Variants in EFHD1 observed in about 807,000 individuals in gnomAD.
EFHD1 encodes EF-hand domain family member D1.
In EFHD1, 10 loss-of-function variants were observed where a neutral mutation model predicts 17.2. That is an observed-to-expected ratio of 0.58 (90% CI 0.36 to 0.99). The LOEUF (loss-of-function observed/expected upper bound fraction) is 0.99, where lower values mean the gene tolerates loss of function less well. Ranked by LOEUF, EFHD1 falls within the 50% of genes least tolerant of loss-of-function variation. EFHD1 has a pLI of 0.01. For synonymous variants in EFHD1, 153 were observed against 142.0 expected (o/e 1.08, Z -0.55); for missense variants, 310 against 327.5 (o/e 0.95, Z 0.41).
At chr2:232,660,927 G>A (rs1429934569) in intron 1 of EFHD1, among the ~76,000 whole-genome samples, 3 of 151,996 alleles carry the variant, frequency 2.0e-5, no homozygotes, top group Non-Finnish European at 4.4e-5. Flanking sequence ...GCAGTGAGCC[G>A]AGATTGTGCC....
At chr2:232,649,861 G>A (rs1295947730) in intron 1 of EFHD1, 1 of 152,236 alleles carries the variant, frequency 6.6e-6, no homozygotes, top group Non-Finnish European at 1.5e-5. Flanking sequence ...TGAGCGTGGT[G>A]ATACATGCCT....
chr2:232,661,762 G>A (rs1285224710), intron 1 of EFHD1: 1 of 151,790 alleles, frequency 6.6e-6, no homozygotes, highest in Non-Finnish European at 1.5e-5. Flanking sequence ...GTTTCACCAT[G>A]TTTGCCAGGC....
chr2:232,628,564 T>TG (rs1449441132), intron 1 of EFHD1, among the ~76,000 whole-genome samples: 3 of 152,122 alleles, frequency 2.0e-5, no homozygotes, highest in Non-Finnish European at 4.4e-5. Flanking sequence ...CTTTGTGACT[T>TG]GCAGATCAGA....
chr2:232,663,097 T>C (rs1694905871), intron 2 of EFHD1, 148 bp downstream of exon 2: 1 of 934,930 alleles, frequency 1.1e-6, no homozygotes, highest in East Asian at 3.3e-5. Context: ...AAATACCTTT[T>C]AGGTGACAGC....
At chr2:232,606,447 C>G (rs1693714251) in intron 1 of EFHD1, 1 of 573,038 alleles carries the variant, frequency 1.7e-6, no homozygotes, top group African/African-American at 1.9e-5. Context: ...TGCTGAAGTC[C>G]CCATCGTCCT....
At chr2:232,609,226 A>AT (rs1428033530) in intron 1 of EFHD1, among the ~76,000 whole-genome samples, 1 of 151,298 alleles carries the variant, frequency 6.6e-6, no homozygotes, top group African/African-American at 2.4e-5. Context: ...TGCCCGGCTA[A>AT]TTTTTTATAT....
chr2:232,668,790 T>C (rs1349809680), intron 2 of EFHD1, among the ~76,000 whole-genome samples: 1 of 152,042 alleles, frequency 6.6e-6, no homozygotes, highest in Non-Finnish European at 1.5e-5. Flanking sequence ...TGTACCACCA[T>C]GCCCGGCTAA....
At chr2:232,634,403 T>C (rs1433833628) in intron 1 of EFHD1, among the ~76,000 whole-genome samples, 4 of 152,202 alleles carry the variant, frequency 2.6e-5, no homozygotes, top group Non-Finnish European at 4.4e-5. Context: ...AAGGGAAAAA[T>C]TAGCCCCTGT....
intron 1 of EFHD1, among the ~76,000 whole-genome samples, chr2:232,636,639 C>G (rs1043320764): frequency 6.6e-6 from 1 of 152,048 alleles, no homozygotes; most frequent in Admixed American, 6.6e-5. Flanking sequence ...GCCTGATCAA[C>G]GTGGTGAAAC....
chr2:232,676,271 G>A (rs1695170075), intron 3 of EFHD1, among the ~76,000 whole-genome samples: 1 of 152,196 alleles, frequency 6.6e-6, no homozygotes, highest in Non-Finnish European at 1.5e-5. Context: ...AGTGTGAGGT[G>A]ACTTCAGGCA....
At chr2:232,606,452 C>A in intron 1 of EFHD1, 1 of 568,140 alleles carries the variant, frequency 1.8e-6, no homozygotes, top group Non-Finnish European at 3.2e-6. Context: ...AAGTCCCCAT[C>A]GTCCTCCCCT....
intron 3 of EFHD1, among the ~76,000 whole-genome samples, chr2:232,678,084 A>G (rs1018038796): frequency 1.3e-5 from 2 of 152,006 alleles, no homozygotes; most frequent in Non-Finnish European, 2.9e-5. Context: ...GGAGTTTGAG[A>G]CCAGCCTGGC....
intron 2 of EFHD1, among the ~76,000 whole-genome samples, chr2:232,668,370 C>T (rs1200608711): frequency 2.0e-5 from 3 of 152,224 alleles, no homozygotes; most frequent in African/African-American, 7.2e-5. Context: ...TGGTCACCTG[C>T]TGACCTGGCA....
chr2:232,627,124 G>A (rs1329961599), intron 1 of EFHD1, among the ~76,000 whole-genome samples: 1 of 146,408 alleles, frequency 6.8e-6, no homozygotes, highest in Non-Finnish European at 1.5e-5. Flanking sequence ...CCAGCTACTA[G>A]GGAGGCTGAG....
At chr2:232,676,328 A>C (rs572877509) in intron 3 of EFHD1, among the ~76,000 whole-genome samples, 1 of 152,324 alleles carries the variant, frequency 6.6e-6, no homozygotes, top group African/African-American at 2.4e-5. Flanking sequence ...GTTGGTTGCA[A>C]ATAGTTTCTG....
intron 1 of EFHD1, among the ~76,000 whole-genome samples, chr2:232,636,301 C>A (rs979960544): frequency 6.6e-6 from 1 of 152,152 alleles, no homozygotes; most frequent in African/African-American, 2.4e-5. Flanking sequence ...AACCCCAGCC[C>A]CACCACTTGC....
At chr2:232,625,692 C>A (rs1459106961) in intron 1 of EFHD1, among the ~76,000 whole-genome samples, 1 of 152,064 alleles carries the variant, frequency 6.6e-6, no homozygotes, top group Non-Finnish European at 1.5e-5. Flanking sequence ...GCTCCACATA[C>A]CTCTGAGAAC....
chr2:232,634,036 C>A, intron 1 of EFHD1, 30 bp downstream of exon 1: 1 of 1,595,388 alleles, frequency 6.3e-7, no homozygotes. Flanking sequence ...CCTTCGCCCC[C>A]GGGACCAGGG....
At chr2:232,651,558 C>T (rs188569189) in intron 1 of EFHD1, among the ~76,000 whole-genome samples, 1 of 152,334 alleles carries the variant, frequency 6.6e-6, no homozygotes, top group Non-Finnish European at 1.5e-5. Flanking sequence ...GGAGGCTGAG[C>T]CCCTCACTCC....
Sources: gnomAD v4.1 joint callset for allele counts (sites outside exome capture counted in the v4.1 genomes callset) on GRCh38, gnomAD v4.1.1 for gene constraint, MANE v1.5 for transcripts, NCBI Gene and HGNC (gene_info 2026-07-23, HGNC 2026-07-21) for gene names.